Variants in GABRB3 observed in about 807,000 individuals in gnomAD.
The protein encoded by GABRB3 is gamma-aminobutyric acid type A receptor subunit beta3, also known as gamma-aminobutyric acid receptor subunit beta-3.
GABRB3 carries 14 observed loss-of-function variants against 52.1 expected under a neutral mutation model. The ratio of observed to expected loss-of-function variants is 0.27; its 90% CI spans 0.18 to 0.42. The LOEUF (loss-of-function observed/expected upper bound fraction) is 0.42, where lower values mean the gene tolerates loss of function less well. Ranked by LOEUF, GABRB3 falls within the 10% of genes least tolerant of loss-of-function variation. GABRB3 has a pLI of 1.00. For missense variants in GABRB3, 307 were observed against 609.1 expected, an observed-to-expected ratio of 0.50 and a Z score of 5.22; for synonymous variants, 260 against 232.3, an observed-to-expected ratio of 1.12 and a Z score of -1.08.
chr15:26,667,290 G>A (rs1046235193), intron 3 of GABRB3, among the ~76,000 whole-genome samples: 1 of 152,144 alleles, frequency 6.6e-6, no homozygotes, highest in Non-Finnish European at 1.5e-5. Context: ...GGACTTGTGG[G>A]GACCATAGAT....
rs532125224 is a variant in GABRB3 at position 26,694,097 on chromosome 15, T to C, written c.241-72563A>G. On this transcript the variant is annotated intron_variant, in intron 3 of 8. Transcript: ENST00000311550. ...CATATGTAACAGCCTGGGCAACATA[T>C]AAAAATTAAAAAATTTTTATAAAAG... Among the ~76,000 whole-genome samples the C allele has an allele frequency of 7.9e-5, 12 of 152,164 alleles. No individual in the cohort carries two copies. The South Asian group carries it at 8.3e-4, about 11-fold the overall frequency.
chr15:26,573,615 C>T lies in GABRB3; in HGVS notation c.683-5882G>A, dbSNP rs112561709. Among the ~76,000 whole-genome samples, 119 of 152,274 alleles carry T rather than the reference C, an allele frequency of 7.8e-4. 1 individual carries two copies. Among genetic ancestry groups the T allele is most frequent in the African/African-American group, 2.6e-3 (108 of 41,544 alleles). ...CTTGTGTGTAAAATCAAGGCAAGAA[C>T]ACCATAAGTGGCAAAACATTAAATT... On this transcript the variant is annotated intron_variant, in intron 6 of 8. Coordinates refer to ENST00000311550, the MANE Select transcript of GABRB3 (RefSeq NM_000814.6).
chr15:26,694,952 T>C (rs1407434279), intron 3 of GABRB3, among the ~76,000 whole-genome samples: 2 of 152,012 alleles, frequency 1.3e-5, no homozygotes, highest in Non-Finnish European at 2.9e-5. Flanking sequence ...AGATCAGACA[T>C]AGCTGGGGAA....
intron 3 of GABRB3, 143 bp downstream of exon 3, chr15:26,772,259 G>A (rs1377477985): frequency 3.0e-6 from 2 of 674,872 alleles, no homozygotes; most frequent in Non-Finnish European, 4.8e-6. Context: ...GCGAGGGGCC[G>A]GCGCCTGGGA....
chr15:26,548,646 C>G (rs1345543788), intron 8 of GABRB3, among the ~76,000 whole-genome samples: 1 of 151,984 alleles, frequency 6.6e-6, no homozygotes, highest in Non-Finnish European at 1.5e-5. Context: ...GATACAGACA[C>G]CCCCCAACCC....
intron 3 of GABRB3, among the ~76,000 whole-genome samples, chr15:26,658,180 G>A (rs948448221): frequency 6.6e-6 from 1 of 152,108 alleles, no homozygotes; most frequent in Non-Finnish European, 1.5e-5. Context: ...TGAAAAACAA[G>A]AAGACAGTTT....
intron 3 of GABRB3, chr15:26,625,484 G>A (rs539520116): frequency 1.2e-5 from 12 of 985,364 alleles, no homozygotes; most frequent in Middle Eastern, 1.0e-3. Context: ...ACAAAGAGAT[G>A]GAATTTGCAT....
intron 3 of GABRB3, among the ~76,000 whole-genome samples, chr15:26,699,472 G>A (rs1365225): frequency 0.39 from 59,303 of 150,986 alleles, 11,929 homozygotes; most frequent in African/African-American, 0.48. Flanking sequence ...CCCAGAATAC[G>A]GAAGTACATC....
At chr15:26,662,731 A>G (rs1887589709) in intron 3 of GABRB3, among the ~76,000 whole-genome samples, 1 of 152,198 alleles carries the variant, frequency 6.6e-6, no homozygotes, top group South Asian at 2.1e-4. Flanking sequence ...CAGTGTCATT[A>G]CAACCCCAAC....
chr15:26,661,347 GCA>G (rs1887543978), intron 3 of GABRB3, among the ~76,000 whole-genome samples: 1 of 151,876 alleles, frequency 6.6e-6, no homozygotes, highest in Non-Finnish European at 1.5e-5. Flanking sequence ...GCACACACAC[GCA>G]CACAATTCTT....
intron 3 of GABRB3, among the ~76,000 whole-genome samples, chr15:26,721,717 C>T (rs1889648134): frequency 6.6e-6 from 1 of 151,672 alleles, no homozygotes; most frequent in South Asian, 2.1e-4. Flanking sequence ...AGAGCCTGCA[C>T]CACAAAATAT....
intron 6 of GABRB3, among the ~76,000 whole-genome samples, chr15:26,578,989 G>T (rs1239121983): frequency 6.6e-6 from 1 of 152,190 alleles, no homozygotes; most frequent in Non-Finnish European, 1.5e-5. Context: ...GACCTCTTGA[G>T]GTGGAGGATA....
At chr15:26,669,934 A>C (rs1056883056) in intron 3 of GABRB3, among the ~76,000 whole-genome samples, 1 of 152,150 alleles carries the variant, frequency 6.6e-6, no homozygotes, top group Non-Finnish European at 1.5e-5. Flanking sequence ...CATTCTCCTG[A>C]TGCCGTGCAC....
chr15:26,717,740 C>T (rs929994), intron 3 of GABRB3, among the ~76,000 whole-genome samples: 150,139 of 152,252 alleles, frequency 0.99, 74,053 homozygotes, highest in East Asian at 1. Flanking sequence ...ATTTTTCTTC[C>T]CTCCCATTGA....
chr15:26,565,127 T>C (rs1373597206), intron 7 of GABRB3, among the ~76,000 whole-genome samples: 1 of 152,114 alleles, frequency 6.6e-6, no homozygotes. Context: ...GGCACCTAAC[T>C]ATGTGATAAT....
chr15:26,628,770 C>T (rs1892810643), intron 3 of GABRB3, among the ~76,000 whole-genome samples: 1 of 152,196 alleles, frequency 6.6e-6, no homozygotes, highest in Admixed American at 6.5e-5. Context: ...CAGGGTGGAC[C>T]TCACATTCTA....
intron 3 of GABRB3, among the ~76,000 whole-genome samples, chr15:26,727,646 C>A (rs1460636946): frequency 1.3e-5 from 2 of 152,300 alleles, no homozygotes; most frequent in South Asian, 4.1e-4. Context: ...GATCAGGAAG[C>A]CAGGTATGCT....
intron 8 of GABRB3, among the ~76,000 whole-genome samples, chr15:26,552,762 C>A (rs7172966): frequency 0.049 from 7,476 of 152,192 alleles, 607 homozygotes; most frequent in African/African-American, 0.17. Context: ...TTCTACCGTA[C>A]CTTGTGCCAC....
At chr15:26,586,478 G>C (rs1890993184) in intron 4 of GABRB3, among the ~76,000 whole-genome samples, 2 of 150,636 alleles carry the variant, frequency 1.3e-5, no homozygotes, top group African/African-American at 4.9e-5. Flanking sequence ...ATGTGCAGTG[G>C]TCACATTATT....
Sources: gnomAD v4.1 joint callset for allele counts (sites outside exome capture counted in the v4.1 genomes callset) on GRCh38, gnomAD v4.1.1 for gene constraint, MANE v1.5 for transcripts, NCBI Gene and HGNC (gene_info 2026-07-23, HGNC 2026-07-21) for gene names.